Variants in DNAJC1 observed in about 807,000 individuals in gnomAD.
DNAJC1 encodes dnaJ homolog subfamily C member 1.
DNAJC1 carries 58 observed loss-of-function variants against 76.6 expected under a neutral mutation model. That is an observed-to-expected ratio of 0.76 (90% CI 0.61 to 0.94). The LOEUF is 0.94. Ranked by LOEUF, DNAJC1 falls within the 40% of genes least tolerant of loss-of-function variation. The pLI is 0.00. For synonymous variants in DNAJC1, 258 were observed against 267.9 expected (o/e 0.96, Z 0.36); for missense variants, 689 against 677.3 (o/e 1.02, Z -0.19).
intron 8 of DNAJC1, among the ~76,000 whole-genome samples, chr10:21,823,725 T>C (rs546505436): frequency 5.4e-5 from 8 of 147,552 alleles, no homozygotes; most frequent in Admixed American, 4.1e-4. Context: ...ATGCTAACAA[T>C]AGCTGACCAG....
At chr10:21,866,072 T>C (rs1203899955) in intron 8 of DNAJC1, among the ~76,000 whole-genome samples, 2 of 147,504 alleles carry the variant, frequency 1.4e-5, no homozygotes, top group Non-Finnish European at 3.0e-5. Flanking sequence ...GAGGTGGAGG[T>C]TGCAGTGAGC....
At chr10:21,953,574 T>C (rs1461205058) in intron 1 of DNAJC1, among the ~76,000 whole-genome samples, 2 of 151,510 alleles carry the variant, frequency 1.3e-5, no homozygotes, top group African/African-American at 2.4e-5. Flanking sequence ...AAAATATGCA[T>C]TTGGAAAGAT....
Position 21,769,878 on chromosome 10 carries a change from G to A in DNAJC1, c.1099-3569C>T, listed in dbSNP as rs180888568. Among the ~76,000 whole-genome samples the A allele has an allele frequency of 2.0e-5, 3 of 152,214 alleles. No individual in the cohort carries two copies. In the East Asian group the frequency reaches 5.8e-4, roughly 29 times the overall value. Reference sequence around the variant, plus strand: ...ATTTTGTATTTTTAGTAGAGATGGGGTTTCTCCATGTTGGTCAGGCTGGTC... The same window carrying A: ...ATTTTGTATTTTTAGTAGAGATGGGATTTCTCCATGTTGGTCAGGCTGGTC... On this transcript the variant is annotated intron_variant, in intron 9 of 11. Coordinates refer to ENST00000376980, the MANE Select transcript of DNAJC1 (RefSeq NM_022365.4).
chr10:21,941,009 TG>T (rs1283190689), intron 1 of DNAJC1, among the ~76,000 whole-genome samples: 1 of 147,210 alleles, frequency 6.8e-6, no homozygotes, highest in East Asian at 2.0e-4. Context: ...CCCAGCACTT[TG>T]GGAGGCCAAG....
chr10:21,928,526 C>A lies in DNAJC1; in HGVS notation c.351G>T (p.Lys117Asn). ...CTCACCTCTGCCTTCGTTCATCATCCTTTAAAACTTCATAAATGGCCACCA... is the reference window on the plus strand; with the variant it reads ...CTCACCTCTGCCTTCGTTCATCATCATTTAAAACTTCATAAATGGCCACCA... The part of the protein sequence containing the change: ...RQLVAIYEVL[K>N]DDERRQRYDD... The change falls in exon 3 of 12, where the codon AAG (lysine) becomes AAT (asparagine). Residue 117 changes from lysine (K) to asparagine (N), a missense_variant. Coordinates refer to ENST00000376980, the MANE Select transcript of DNAJC1 (RefSeq NM_022365.4). 1 of 1,613,000 alleles carries A rather than the reference C, an allele frequency of 6.2e-7. No individual in the cohort carries two copies. Among genetic ancestry groups the A allele is most frequent in the Non-Finnish European group, 8.5e-7 (1 of 1,179,298 alleles).
intron 8 of DNAJC1, among the ~76,000 whole-genome samples, chr10:21,823,578 G>A (rs763289707): frequency 2.0e-5 from 3 of 151,406 alleles, no homozygotes; most frequent in Non-Finnish European, 2.9e-5. Flanking sequence ...TCTTCCTTCC[G>A]TATTCATTCT....
At chr10:21,899,004 G>A (rs1429980486) in intron 7 of DNAJC1, among the ~76,000 whole-genome samples, 5 of 152,114 alleles carry the variant, frequency 3.3e-5, no homozygotes, top group Admixed American at 1.3e-4. Flanking sequence ...GAAGAAAAGC[G>A]GGGTGGGGTG....
chr10:21,773,089 G>A (rs1408595280), intron 9 of DNAJC1, among the ~76,000 whole-genome samples: 1 of 152,104 alleles, frequency 6.6e-6, no homozygotes, highest in Admixed American at 6.5e-5. Flanking sequence ...TCCGACACTG[G>A]GGATTACAGT....
At chr10:21,999,377 T>C (rs942964038) in intron 1 of DNAJC1, among the ~76,000 whole-genome samples, 20 of 152,120 alleles carry the variant, frequency 1.3e-4, no homozygotes, top group African/African-American at 4.8e-4. Flanking sequence ...GAGAACCTTG[T>C]ATTGGTTTGC....
At chr10:21,784,500 C>G (rs1306263280) in intron 9 of DNAJC1, among the ~76,000 whole-genome samples, 1 of 152,146 alleles carries the variant, frequency 6.6e-6, no homozygotes, top group East Asian at 1.9e-4. Context: ...GGTGATTCCT[C>G]AAGGATCTAG....
chr10:21,841,985 A>G (rs1183529460), intron 8 of DNAJC1, among the ~76,000 whole-genome samples: 3 of 151,450 alleles, frequency 2.0e-5, no homozygotes, highest in African/African-American at 7.3e-5. Context: ...TTCTCAGCAA[A>G]GTATTGCAAG....
chr10:21,891,476 C>CAAAAAAAAAAAAAAAAAA (rs369729722), intron 7 of DNAJC1, among the ~76,000 whole-genome samples: 62 of 38,702 alleles, frequency 1.6e-3, no homozygotes, highest in South Asian at 2.4e-3. Flanking sequence ...ACAAAGTAGA[C>CAAAAAAAAAAAAAAAAAA]AAAAAAAAAA....
chr10:21,767,000 T>C (rs1834308711), intron 9 of DNAJC1, among the ~76,000 whole-genome samples: 1 of 152,052 alleles, frequency 6.6e-6, no homozygotes, highest in African/African-American at 2.4e-5. Context: ...AGATACTACT[T>C]TCATTATGCA....
At chr10:21,993,233 GCA>G (rs775511706) in intron 1 of DNAJC1, among the ~76,000 whole-genome samples, 1 of 151,602 alleles carries the variant, frequency 6.6e-6, no homozygotes, top group Non-Finnish European at 1.5e-5. Flanking sequence ...AAATGCATAC[GCA>G]CACACACCTG....
At chr10:21,759,091 G>A (rs1834208989) in intron 11 of DNAJC1, 79 bp downstream of exon 11, 1 of 1,404,046 alleles carries the variant, frequency 7.1e-7, no homozygotes, top group East Asian at 2.3e-5. Flanking sequence ...AATGAGGGAA[G>A]AAGCTGCAGG....
chr10:21,938,227 T>C (rs1163218100), intron 1 of DNAJC1, among the ~76,000 whole-genome samples: 1 of 152,054 alleles, frequency 6.6e-6, no homozygotes, highest in African/African-American at 2.4e-5. Context: ...TATTTAATTT[T>C]TAAAGTAAAA....
chr10:21,773,712 T>C (rs1469727767), intron 9 of DNAJC1, among the ~76,000 whole-genome samples: 1 of 152,214 alleles, frequency 6.6e-6, no homozygotes. Context: ...TTTTGCATTA[T>C]GTATTTTGGT....
At chr10:21,828,169 T>C (rs970819910) in intron 8 of DNAJC1, among the ~76,000 whole-genome samples, 2 of 152,240 alleles carry the variant, frequency 1.3e-5, no homozygotes, top group Admixed American at 1.3e-4. Context: ...TCTCAGTGTA[T>C]AAAACAATAA....
chr10:21,780,119 T>C (rs927324300), intron 9 of DNAJC1, among the ~76,000 whole-genome samples: 74 of 152,304 alleles, frequency 4.9e-4, no homozygotes, highest in African/African-American at 1.7e-3. Context: ...TTACGTCTGA[T>C]TGGTGTACCT....
Sources: gnomAD v4.1 joint callset for allele counts (sites outside exome capture counted in the v4.1 genomes callset) on GRCh38, gnomAD v4.1.1 for gene constraint, MANE v1.5 for transcripts, NCBI Gene and HGNC (gene_info 2026-07-23, HGNC 2026-07-21) for gene names.